Variants in CBX1 observed in about 807,000 individuals in gnomAD.
CBX1 encodes chromobox 1.
A neutral mutation model predicts 25.1 loss-of-function variants in CBX1; 10 were observed. The observed-to-expected ratio is 0.40, with a 90% CI of 0.25 to 0.68. The LOEUF (loss-of-function observed/expected upper bound fraction) is 0.68. Among genes scored for constraint, CBX1 ranks in the 30% least tolerant of loss-of-function variants. The pLI, the probability that CBX1 is intolerant of heterozygous loss-of-function variation, is 0.40. For synonymous variants in CBX1, 63 were observed against 79.4 expected (o/e 0.79, Z 1.10); for missense variants, 106 against 218.5 (o/e 0.49, Z 3.25).
At chr17:48,082,717 T>C (rs1773953880) in intron 1 of CBX1, among the ~76,000 whole-genome samples, 1 of 149,500 alleles carries the variant, frequency 6.7e-6, no homozygotes, top group South Asian at 2.1e-4. Context: ...TTTGTATTTT[T>C]AGTAAAGACG....
rs1361357747 is a variant in CBX1, at chr17:48,080,989, TATATAA to T, written c.-37-3954_-37-3949del. ...ATATATATATATATATATATATATA[TATATAA>T]AATTTGTCTTAGAAAAATAAATAGC... On this transcript the variant is annotated intron_variant, in intron 1 of 4. Transcript: ENST00000225603. 2.9e-3 allele frequency among the ~76,000 whole-genome samples: 214 copies of T among 73,596 alleles called. 3 individuals carry two copies. The highest frequency in any genetic ancestry group is 3.3e-3 in the Non-Finnish European group (138 of 41,250). 48.3% of individuals were successfully genotyped at this position (73,596 alleles called of 152,430 possible).
chr17:48,074,806 C>T (rs1469630789), intron 4 of CBX1, 200 bp downstream of exon 4: 1 of 527,484 alleles, frequency 1.9e-6, no homozygotes, highest in African/African-American at 1.9e-5. Context: ...GGGCAAAGAC[C>T]CAAGATTCCT....
At chr17:48,096,243 G>A (rs1252022377) in intron 1 of CBX1, 1 of 444,812 alleles carries the variant, frequency 2.2e-6, no homozygotes, top group Non-Finnish European at 3.0e-6. Flanking sequence ...TAGAATGCTG[G>A]TGTGCGAATA....
Position 48,071,417 on chromosome 17 carries a change from G to A in CBX1, c.*18C>T, listed in dbSNP as rs2037623794. On this transcript the variant is annotated 3_prime_UTR_variant, in exon 5 of 5. Coordinates refer to ENST00000225603, the MANE Select transcript of CBX1 (RefSeq NM_001127228.2). The stretch of plus-strand genomic sequence containing the variant: ...GAAACCCACAGTCAGATGTGACAGG[G>A]GCTGGTACTCAGGAGCGTTAGTTCT... The A allele has an allele frequency of 1.9e-6, 3 of 1,596,160 alleles. No individual in the cohort carries two copies. The highest frequency in any genetic ancestry group is 2.6e-6 in the Non-Finnish European group (3 of 1,172,142).
At chr17:48,081,739 G>A (rs2037739828) in intron 1 of CBX1, among the ~76,000 whole-genome samples, 1 of 152,110 alleles carries the variant, frequency 6.6e-6, no homozygotes, top group African/African-American at 2.4e-5. Flanking sequence ...ACTGAGCCTG[G>A]CCCTTTCCTT....
chr17:48,097,300 C>T (rs925468986), intron 1 of CBX1, among the ~76,000 whole-genome samples: 2 of 150,866 alleles, frequency 1.3e-5, no homozygotes, highest in Non-Finnish European at 2.9e-5. Context: ...CATAAGGATA[C>T]ACCATTCTTG....
chr17:48,076,666 GT>G lies in CBX1; in HGVS notation c.140+198del, dbSNP rs560725200. Among the ~76,000 whole-genome samples, 148 of 152,192 alleles carry G rather than the reference GT, an allele frequency of 9.7e-4. 1 individual carries two copies. The highest frequency in any genetic ancestry group is 2.8e-3 in the African/African-American group (118 of 41,514). ...AGCCTGGGTGACAGAGCGAGACCTC[GT>G]CTCAAAAGAAATAATTTTTAAAAAG... On this transcript the variant is annotated intron_variant, in intron 2 of 4. Transcript: ENST00000225603.
At chr17:48,074,880 G>C (rs1171303818) in intron 4 of CBX1, 126 bp downstream of exon 4, 2 of 753,768 alleles carry the variant, frequency 2.7e-6, no homozygotes, top group Non-Finnish European at 4.8e-6. Context: ...ACTATCGAAG[G>C]ACTATGCCAT....
chr17:48,075,197 C>CTT (rs951331474), intron 3 of CBX1, 97 bp from the exon 4 acceptor site: 1,550 of 634,278 alleles, frequency 2.4e-3, no homozygotes, highest in East Asian at 7.8e-3. Flanking sequence ...ATCACAAACT[C>CTT]TTTTTTTTTT....
intron 4 of CBX1, among the ~76,000 whole-genome samples, chr17:48,073,025 G>A (rs772926778): frequency 2.0e-5 from 3 of 151,988 alleles, no homozygotes; most frequent in Admixed American, 1.3e-4. Flanking sequence ...GGGAGGCTGA[G>A]GCACAAGAAT....
At position 48,070,745 on chromosome 17, in the gene CBX1, TGGGAACAGCAATAA is replaced by T. The variant is rs1432189420; in HGVS notation, c.*676_*689del. 1 of 152,668 alleles carries T rather than the reference TGGGAACAGCAATAA, an allele frequency of 6.6e-6. No homozygotes were observed. Among genetic ancestry groups the T allele is most frequent in the Non-Finnish European group, 1.5e-5 (1 of 68,048 alleles). 9.5% of individuals were successfully genotyped at this position (152,668 alleles called of 1,614,324 possible). A position where few individuals can be genotyped will look rare whatever the true frequency, so the allele number is the denominator to read the frequency against. ...ACTTATGAACAGGCTTAGTCCTTTG[TGGGAACAGCAATAA>T]GTTTAGGCAGGGAACACCTTGGCTT... On this transcript the variant is annotated 3_prime_UTR_variant, in exon 5 of 5. Transcript: ENST00000225603.
chr17:48,095,461 C>A (rs997295231), intron 1 of CBX1, among the ~76,000 whole-genome samples: 1 of 151,932 alleles, frequency 6.6e-6, no homozygotes, highest in African/African-American at 2.4e-5. Flanking sequence ...TGGTGGTACA[C>A]GCCTGTAATC....
intron 1 of CBX1, among the ~76,000 whole-genome samples, chr17:48,099,476 A>C (rs1046016336): frequency 2.0e-5 from 3 of 152,180 alleles, no homozygotes; most frequent in African/African-American, 7.2e-5. Context: ...ACCACAGGGA[A>C]AACCGTAAAC....
At chr17:48,082,501 C>CAAAAAA (rs572999255) in intron 1 of CBX1, among the ~76,000 whole-genome samples, 2 of 53,744 alleles carry the variant, frequency 3.7e-5, no homozygotes, top group African/African-American at 7.9e-5. Flanking sequence ...GACTCCATCT[C>CAAAAAA]AAAAAAAAAA....
chr17:48,079,120 CCT>C (rs1318263752), intron 1 of CBX1, among the ~76,000 whole-genome samples: 6 of 138,832 alleles, frequency 4.3e-5, no homozygotes, highest in African/African-American at 1.4e-4. Flanking sequence ...CGCACCTCCC[CCT>C]CTTTGAGATG....
chr17:48,085,811 A>G (rs1429390538), intron 1 of CBX1, among the ~76,000 whole-genome samples: 1 of 152,186 alleles, frequency 6.6e-6, no homozygotes, highest in Non-Finnish European at 1.5e-5. Flanking sequence ...CACGCCTATA[A>G]TCCCAGCACT....
intron 1 of CBX1, among the ~76,000 whole-genome samples, chr17:48,092,602 C>T (rs1347015986): frequency 6.6e-6 from 1 of 151,508 alleles, no homozygotes; most frequent in Non-Finnish European, 1.5e-5. Flanking sequence ...TACAGGTGCC[C>T]GCCGCTGCAC....
chr17:48,092,728 A>G (rs1253615440), intron 1 of CBX1, among the ~76,000 whole-genome samples: 2 of 151,892 alleles, frequency 1.3e-5, no homozygotes, highest in Non-Finnish European at 2.9e-5. Context: ...CTGAGATTGC[A>G]GGCGTGAGCC....
chr17:48,099,285 A>G (rs892244904), intron 1 of CBX1, among the ~76,000 whole-genome samples: 2 of 152,128 alleles, frequency 1.3e-5, no homozygotes, highest in Admixed American at 1.3e-4. Flanking sequence ...TATTTTTAGT[A>G]GAGACAGGGT....
Sources: gnomAD v4.1 joint callset for allele counts (sites outside exome capture counted in the v4.1 genomes callset) on GRCh38, gnomAD v4.1.1 for gene constraint, MANE v1.5 for transcripts, NCBI Gene and HGNC (gene_info 2026-07-23, HGNC 2026-07-21) for gene names.